Variants in LRRN3 observed in about 807,000 individuals in gnomAD.
LRRN3 encodes leucine-rich repeat neuronal protein 3.
A neutral mutation model predicts 40.1 loss-of-function variants in LRRN3; 15 were observed. That is an observed-to-expected ratio of 0.37 (90% CI 0.25 to 0.58). The LOEUF (loss-of-function observed/expected upper bound fraction) is 0.58. LRRN3 is among the 20% of genes least tolerant of loss of function. The pLI is 0.72. For missense variants in LRRN3, 746 were observed against 837.7 expected, an observed-to-expected ratio of 0.89 and a Z score of 1.35; for synonymous variants, 308 against 297.2, an observed-to-expected ratio of 1.04 and a Z score of -0.37.
intron 1 of LRRN3, among the ~76,000 whole-genome samples, chr7:111,099,232 T>C (rs1163676129): frequency 6.6e-6 from 1 of 151,730 alleles, no homozygotes; most frequent in Non-Finnish European, 1.5e-5. Context: ...TCAAATTTCA[T>C]TATTTATAAT....
At chr7:111,121,539 C>T (rs1232502607) in intron 2 of LRRN3, among the ~76,000 whole-genome samples, 3 of 152,178 alleles carry the variant, frequency 2.0e-5, no homozygotes, top group Non-Finnish European at 4.4e-5. Flanking sequence ...GATACCATCT[C>T]ACACCAGTTA....
At chr7:111,114,308 A>C (rs1799586836) in intron 2 of LRRN3, among the ~76,000 whole-genome samples, 1 of 152,216 alleles carries the variant, frequency 6.6e-6, no homozygotes, top group African/African-American at 2.4e-5. Context: ...AAATGAAATT[A>C]GCACCTTGTC....
In LRRN3 at chr7:111,107,485, C is replaced by T. The variant is rs115960939; in HGVS notation, c.-359+7523C>T. On this transcript the variant is annotated intron_variant, in intron 2 of 2. Coordinates refer to ENST00000308478, the MANE Select transcript of LRRN3 (RefSeq NM_001099658.2). ...TTGTATACTTATATTAAAGCCATTT[C>T]TGTTCATTAAAAACTCAATATAAGC... Among the ~76,000 whole-genome samples the T allele has an allele frequency of 1.9e-3, 290 of 152,050 alleles. 2 individuals are homozygous for T. The highest frequency in any genetic ancestry group is 6.6e-3 in the African/African-American group (274 of 41,514).
chr7:111,117,943 T>C lies in LRRN3; in HGVS notation c.-358-4472T>C, dbSNP rs185064434. On this transcript the variant is annotated intron_variant, in intron 2 of 2. Coordinates refer to ENST00000308478, the MANE Select transcript of LRRN3 (RefSeq NM_001099658.2). ...CACACTTTGTTCTTAAGCTTTAGCA[T>C]TGCAAAAACTCATCTAAAAGACAGT... Among the ~76,000 whole-genome samples, 71 of 152,224 alleles carry C rather than the reference T, an allele frequency of 4.7e-4. No individual in the cohort carries two copies. The Middle Eastern group carries it at 0.014, about 29-fold the overall frequency.
chr7:111,108,267 T>G (rs1041487864), intron 2 of LRRN3, among the ~76,000 whole-genome samples: 1 of 152,176 alleles, frequency 6.6e-6, no homozygotes, highest in Non-Finnish European at 1.5e-5. Flanking sequence ...TAACACTCAA[T>G]TATATTAATG....
Position 111,124,958 on chromosome 7 carries a change from A to G in LRRN3, c.*59A>G. The G allele has an allele frequency of 1.7e-6, 2 of 1,180,614 alleles. No homozygotes were observed. Among genetic ancestry groups the G allele is most frequent in the Admixed American group, 2.6e-5 (1 of 38,592 alleles). 73.1% of individuals were successfully genotyped at this position (1,180,614 alleles called of 1,614,324 possible). On this transcript the variant is annotated 3_prime_UTR_variant, in exon 3 of 3. Coordinates refer to ENST00000308478, the MANE Select transcript of LRRN3 (RefSeq NM_001099658.2). ...AAAAAAAAAAAAAGCGAAAGACTGC[A>G]GTTGTGCTAAAAACAAAACAAAACA...
At chr7:111,114,545 G>C (rs1300418184) in intron 2 of LRRN3, among the ~76,000 whole-genome samples, 1 of 151,938 alleles carries the variant, frequency 6.6e-6, no homozygotes, top group Admixed American at 6.6e-5. Context: ...AGACCAGCCT[G>C]GCCAACATGG....
intron 1 of LRRN3, among the ~76,000 whole-genome samples, chr7:111,094,775 C>A (rs903221342): frequency 3.3e-5 from 5 of 152,056 alleles, no homozygotes; most frequent in South Asian, 2.1e-4. Context: ...ACAATTATTT[C>A]TTTAGCCACA....
intron 1 of LRRN3, among the ~76,000 whole-genome samples, chr7:111,093,710 G>C (rs1797103762): frequency 6.6e-6 from 1 of 152,144 alleles, no homozygotes; most frequent in African/African-American, 2.4e-5. Flanking sequence ...CCCCGGTGTT[G>C]CCACTCAGTG....
chr7:111,123,062 TG>T lies in LRRN3; in HGVS notation c.292del (p.Asp98IlefsTer15). 6.2e-7 allele frequency: 1 copy of T among 1,613,836 alleles called. No homozygotes were observed. The highest frequency in any genetic ancestry group is 8.5e-7 in the Non-Finnish European group (1 of 1,179,918). ...STDFPVNLTGLDLSQNNLSSV... is the reference protein window; with the variant it reads ...STDFPVNLTGXDLSQNNLSSV... ...GACTTTCCAGTAAACCTTACTGGCC[TG>T]GATTTATCTCAAAACAATTTATCTT... On this transcript the variant is annotated frameshift_variant, in exon 3 of 3. Coordinates refer to ENST00000308478, the MANE Select transcript of LRRN3 (RefSeq NM_001099658.2). LOFTEE classifies it high-confidence loss of function. This position sits in a 1 kb window ranked among gnomAD's most constrained non-coding sequence, Gnocchi z 6.4.
In LRRN3 at chr7:111,124,301, T is replaced by C. The variant is rs146987268; in HGVS notation, c.1529T>C (p.Met510Thr). ...GTTGGCGCTGACTTGAAGTCTGTTATGATCAAAGTGGATGGATCTTTTCCA... is the reference window on the plus strand; with the variant it reads ...GTTGGCGCTGACTTGAAGTCTGTTACGATCAAAGTGGATGGATCTTTTCCA... ...NLVGADLKSVMIKVDGSFPQD... is the reference protein window; with the variant it reads ...NLVGADLKSVTIKVDGSFPQD... Residue 510 changes from methionine to threonine, a missense_variant, in exon 3 of 3, where the codon ATG becomes ACG. Coordinates refer to ENST00000308478, the MANE Select transcript of LRRN3 (RefSeq NM_001099658.2). 137 of 1,613,832 alleles carry C rather than the reference T, an allele frequency of 8.5e-5. No individual in the cohort carries two copies. The highest frequency in any genetic ancestry group is 1.2e-4 in the Admixed American group (7 of 59,928).
chr7:111,106,113 A>C (rs899636738), intron 2 of LRRN3, among the ~76,000 whole-genome samples: 1 of 151,996 alleles, frequency 6.6e-6, no homozygotes, highest in African/African-American at 2.4e-5. Context: ...TAGAACATAT[A>C]ATACCAACAT....
Position 111,122,688 on chromosome 7 carries a change from C to CT in LRRN3, c.-83dup. ...TCATTTGACAAATGCAAGCATCTTC[C>CT]TTATCAATCAGCTCCTATTGAACTT... On this transcript the variant is annotated 5_prime_UTR_variant, in exon 3 of 3. An upstream open reading frame in the 5' UTR gains an earlier in-frame stop. Coordinates refer to ENST00000308478, the MANE Select transcript of LRRN3 (RefSeq NM_001099658.2). The CT allele has an allele frequency of 9.5e-7, 1 of 1,049,116 alleles. No homozygotes were observed. The highest frequency in any genetic ancestry group is 1.4e-6 in the Non-Finnish European group (1 of 710,698). The allele number at this position is 1,049,116 out of a possible 1,614,324, so 65.0% of individuals were successfully genotyped here.
chr7:111,122,621 C>CAAAA lies in LRRN3; in HGVS notation c.-152_-151insAAAA, dbSNP rs1800785711. The CAAAA allele has an allele frequency of 1.6e-6, 1 of 625,858 alleles. No individual in the cohort carries two copies. 38.8% of individuals were successfully genotyped at this position (625,858 alleles called of 1,614,324 possible). A position where few individuals can be genotyped will look rare whatever the true frequency, so the allele number is the denominator to read the frequency against. On this transcript the variant is annotated 5_prime_UTR_variant, in exon 3 of 3. It introduces an in-frame stop codon into an upstream open reading frame of the 5' UTR. Coordinates refer to ENST00000308478, the MANE Select transcript of LRRN3 (RefSeq NM_001099658.2). Reference sequence around the variant, plus strand: ...GGACAATGCAATTGTGGCACTGGCACTTATTTCAGTGAAGAAAAACTTTGT... The same window carrying CAAAA: ...GGACAATGCAATTGTGGCACTGGCACAAAATTATTTCAGTGAAGAAAAACTTTGT...
At chr7:111,115,878 T>C (rs1315255756) in intron 2 of LRRN3, among the ~76,000 whole-genome samples, 1 of 152,098 alleles carries the variant, frequency 6.6e-6, no homozygotes, top group Non-Finnish European at 1.5e-5. Context: ...GGTTTCACTA[T>C]GTTGACCAGG....
At chr7:111,117,992 A>T (rs1800097810) in intron 2 of LRRN3, among the ~76,000 whole-genome samples, 2 of 152,110 alleles carry the variant, frequency 1.3e-5, no homozygotes, top group Non-Finnish European at 2.9e-5. Context: ...TCTTACTCAC[A>T]TGTCCTCACT....
At chr7:111,115,803 G>C (rs901371029) in intron 2 of LRRN3, among the ~76,000 whole-genome samples, 3 of 151,956 alleles carry the variant, frequency 2.0e-5, no homozygotes, top group African/African-American at 7.2e-5. Flanking sequence ...GAGTAGCTGG[G>C]ACTAGAGATG....
intron 2 of LRRN3, among the ~76,000 whole-genome samples, chr7:111,103,238 T>C (rs1477343946): frequency 6.6e-6 from 1 of 151,686 alleles, no homozygotes; most frequent in South Asian, 2.1e-4. Context: ...TGCAGATTTA[T>C]GGTTAATAAT....
At position 111,123,945 on chromosome 7, in the gene LRRN3, A is replaced by C. The variant is rs549927900; in HGVS notation, c.1173A>C (p.Pro391=). Residue 391 remains proline (P), a synonymous_variant, in exon 3 of 3, where the codon CCA becomes CCC. Coordinates refer to ENST00000308478, the MANE Select transcript of LRRN3 (RefSeq NM_001099658.2). The surrounding 1 kb of genome is among the most constrained non-coding windows in gnomAD (Gnocchi z 6.4). ...MNKTNIRFME[P]DSLFCVDPPE... Reference sequence around the variant, plus strand: ...AAACCAACATTCGATTCATGGAGCCAGATTCACTGTTTTGCGTGGACCCAC... The same window carrying C: ...AAACCAACATTCGATTCATGGAGCCCGATTCACTGTTTTGCGTGGACCCAC... The C allele has an allele frequency of 1.2e-5, 20 of 1,614,056 alleles. No homozygotes were observed. In the South Asian group the frequency reaches 2.2e-4, roughly 18 times the overall value.
Sources: gnomAD v4.1 joint callset for allele counts (sites outside exome capture counted in the v4.1 genomes callset) on GRCh38, gnomAD v4.1.1 for gene constraint, Gnocchi (gnomAD v3.1) non-coding constraint, MANE v1.5 for transcripts, NCBI Gene and HGNC (gene_info 2026-07-23, HGNC 2026-07-21) for gene names.